Variants in DNAJC13 observed in about 807,000 individuals in gnomAD.
The protein encoded by DNAJC13 is DnaJ heat shock protein family (Hsp40) member C13, also known as dnaJ homolog subfamily C member 13.
A neutral mutation model predicts 290.5 loss-of-function variants in DNAJC13; 75 were observed. The ratio of observed to expected loss-of-function variants is 0.26; its 90% CI spans 0.21 to 0.31. The LOEUF is 0.31. Among genes scored for constraint, DNAJC13 ranks in the 10% least tolerant of loss-of-function variants. The pLI, the probability that DNAJC13 is intolerant of heterozygous loss-of-function variation, is 1.00. For missense variants in DNAJC13, 2,260 were observed against 2,674.5 expected, an observed-to-expected ratio of 0.85 and a Z score of 3.42; for synonymous variants, 862 against 892.0, an observed-to-expected ratio of 0.97 and a Z score of 0.60.
intron 1 of DNAJC13, among the ~76,000 whole-genome samples, chr3:132,421,145 T>C (rs1938948489): frequency 6.6e-6 from 1 of 152,198 alleles, no homozygotes; most frequent in African/African-American, 2.4e-5. Flanking sequence ...TAGTAACATA[T>C]ATGTGAATGT....
intron 20 of DNAJC13, among the ~76,000 whole-genome samples, chr3:132,470,587 C>T (rs1934173219): frequency 7.1e-6 from 1 of 141,806 alleles, no homozygotes; most frequent in East Asian, 2.2e-4. Context: ...CCCTCACCTC[C>T]CGGACGGGGC....
intron 40 of DNAJC13, 131 bp downstream of exon 40, chr3:132,502,599 T>C: frequency 2.6e-6 from 2 of 766,580 alleles, no homozygotes; most frequent in Non-Finnish European, 3.8e-6. Flanking sequence ...GGTTTTTTGC[T>C]TTTTAAACCT....
At chr3:132,457,691 G>A in intron 13 of DNAJC13, 1 of 179,652 alleles carries the variant, frequency 5.6e-6, no homozygotes, top group Admixed American at 6.0e-5. Context: ...TGGTGATGAG[G>A]GGAAGATGAA....
chr3:132,441,994 C>G (rs927873851), intron 2 of DNAJC13, among the ~76,000 whole-genome samples: 1 of 147,094 alleles, frequency 6.8e-6, no homozygotes, highest in African/African-American at 2.6e-5. Context: ...GAGTATCTGA[C>G]CTAACACATT....
At chr3:132,531,834 A>G (rs1011395277) in intron 55 of DNAJC13, among the ~76,000 whole-genome samples, 1 of 151,800 alleles carries the variant, frequency 6.6e-6, no homozygotes, top group African/African-American at 2.4e-5. Context: ...GTTTCCAGTG[A>G]TTTGTTTATG....
At chr3:132,480,795 A>G (rs1284598912) in intron 26 of DNAJC13, among the ~76,000 whole-genome samples, 1 of 152,210 alleles carries the variant, frequency 6.6e-6, no homozygotes, top group Non-Finnish European at 1.5e-5. Context: ...AGCAGTAAGA[A>G]TATGCTTTGC....
chr3:132,482,349 C>CA lies in DNAJC13; in HGVS notation c.2979+19_2979+20insA. 6.2e-7 allele frequency: 1 copy of CA among 1,600,062 alleles called. No individual in the cohort carries two copies. Among genetic ancestry groups the CA allele is most frequent in the South Asian group, 1.1e-5 (1 of 90,374 alleles). ...TCATGAGGTATGTATCTTGGAGATA[C>CA]TTTTGGTGAAGGTCTCAGCATTTCT... On this transcript the variant is annotated intron_variant, in intron 27 of 55. Coordinates refer to ENST00000260818, the MANE Select transcript of DNAJC13 (RefSeq NM_015268.4).
Position 132,494,137 on chromosome 3 carries a change from C to G in DNAJC13, c.3826-7C>G. On this transcript the variant is annotated splice_region_variant and splice_polypyrimidine_tract_variant and intron_variant, in intron 33 of 55. Coordinates refer to ENST00000260818, the MANE Select transcript of DNAJC13 (RefSeq NM_015268.4). ...TTTGATATAAATTTTAATCTTTTGT[C>G]TTTAAGGTTAAGCTTCTAAAAGATA... 1 of 1,565,236 alleles carries G rather than the reference C, an allele frequency of 6.4e-7. No homozygotes were observed. The highest frequency in any genetic ancestry group is 1.2e-5 in the South Asian group (1 of 85,028).
chr3:132,464,549 A>G (rs1933913051), intron 17 of DNAJC13, among the ~76,000 whole-genome samples: 1 of 152,186 alleles, frequency 6.6e-6, no homozygotes, highest in Non-Finnish European at 1.5e-5. Context: ...ACAATACTGT[A>G]CATTTTCTTT....
intron 17 of DNAJC13, 48 bp from the exon 18 acceptor site, chr3:132,465,947 C>T: frequency 7.5e-7 from 1 of 1,337,624 alleles, no homozygotes; most frequent in Non-Finnish European, 1.1e-6. Context: ...CCTTTCTGTT[C>T]TAGCTGAGAT....
At chr3:132,523,844 T>A in intron 51 of DNAJC13, 131 bp downstream of exon 51, 1 of 825,240 alleles carries the variant, frequency 1.2e-6, no homozygotes, top group Non-Finnish European at 1.8e-6. Context: ...CAGCCACATT[T>A]AAATTCACAT....
chr3:132,508,229 C>T (rs545570357), intron 43 of DNAJC13, among the ~76,000 whole-genome samples: 63 of 152,252 alleles, frequency 4.1e-4, no homozygotes, highest in African/African-American at 1.4e-3. Flanking sequence ...GGGATTGGCT[C>T]ATGAGGTTTA....
At chr3:132,448,028 T>C in intron 5 of DNAJC13, 89 bp downstream of exon 5, 5 of 947,662 alleles carry the variant, frequency 5.3e-6, no homozygotes, top group Non-Finnish European at 6.4e-6. Flanking sequence ...GTGTTCCATT[T>C]GTAGCAAAGC....
intron 48 of DNAJC13, among the ~76,000 whole-genome samples, chr3:132,518,779 C>G (rs192645770): frequency 6.6e-6 from 1 of 152,264 alleles, no homozygotes; most frequent in African/African-American, 2.4e-5. Flanking sequence ...ATTGAGCGAT[C>G]ATAATCAATT....
Position 132,479,334 on chromosome 3 carries a change from A to G in DNAJC13, c.2772+45A>G, listed in dbSNP as rs766469527. ...ATACATTGTTATTTCCAAGTCATATAAGTATGTAAGATAAACTCACAGTTT... is the reference window on the plus strand; with the variant it reads ...ATACATTGTTATTTCCAAGTCATATGAGTATGTAAGATAAACTCACAGTTT... On this transcript the variant is annotated intron_variant, in intron 25 of 55. Coordinates refer to ENST00000260818, the MANE Select transcript of DNAJC13 (RefSeq NM_015268.4). 1.5e-6 allele frequency: 2 copies of G among 1,294,666 alleles called. 1 individual carries two copies. Among genetic ancestry groups the G allele is most frequent in the South Asian group, 2.4e-5 (2 of 82,686 alleles). 80.2% of individuals were successfully genotyped at this position (1,294,666 alleles called of 1,614,324 possible). A position where few individuals can be genotyped will look rare whatever the true frequency, so the allele number is the denominator to read the frequency against.
In DNAJC13 at chr3:132,447,394, G is replaced by A. The variant is rs547360849; in HGVS notation, c.218G>A (p.Arg73His). 8 of 1,607,726 alleles carry A rather than the reference G, an allele frequency of 5.0e-6. No individual in the cohort carries two copies. Among genetic ancestry groups the A allele is most frequent in the East Asian group, 2.3e-5 (1 of 44,296 alleles). ...GQGTEFNLTFRKGSGKKSETL... is the reference protein window; with the variant it reads ...GQGTEFNLTFHKGSGKKSETL... ...GGAACGGAGTTCAACCTCACATTTC[G>A]TAAAGGCAGTGGAAAAAAGTCAGAA... The change falls in exon 4 of 56, where the codon CGT becomes CAT. Residue 73 changes from arginine (R) to histidine (H), a missense_variant. This residue lies in a region of DNAJC13 where 762 missense variants were observed against 964.1 expected (regional missense o/e 0.79). Transcript: ENST00000260818.
In DNAJC13 at chr3:132,532,945, G is replaced by T. The variant is rs1469561920; in HGVS notation, c.6625+1848G>T. On this transcript the variant is annotated intron_variant, in intron 55 of 55. Transcript: ENST00000260818. ...TTATTATTATTATTATTTTAGTAGA[G>T]ACGGAATTTTGCCATGTTAGCTATG... Among the ~76,000 whole-genome samples the T allele has an allele frequency of 5.2e-5, 4 of 76,528 alleles. No homozygotes were observed. The East Asian group carries it at 3.9e-3, about 75-fold the overall frequency. 50.2% of individuals were successfully genotyped at this position (76,528 alleles called of 152,430 possible).
rs761355544 is a variant in DNAJC13, at chr3:132,507,247, A to C, written c.5009A>C (p.Asp1670Ala). Residue 1670 changes from aspartate (D) to alanine (A), a missense_variant, in exon 43 of 56, where the codon GAC becomes GCC. Asp to Ala is a moderately radical substitution (Grantham distance 126). Around this residue, in one of 3 missense-constraint regions of DNAJC13, gnomAD observed 1,494 missense variants for 1,693.7 expected, o/e 0.88. Coordinates refer to ENST00000260818, the MANE Select transcript of DNAJC13 (RefSeq NM_015268.4). ...QENMIKKGDC[D>A]KTYGSEFVYS... ...TCATCTTTTAAAAAGGGTGATTGTG[A>C]CAAAACTTATGGATCAGAATTTGTC... is the stretch of plus-strand genomic sequence containing the variant. 4 of 1,608,440 alleles carry C rather than the reference A, an allele frequency of 2.5e-6. No individual in the cohort carries two copies. The South Asian group carries it at 4.4e-5, about 18-fold the overall frequency.
At chr3:132,489,948 C>A (rs1340049002) in intron 31 of DNAJC13, among the ~76,000 whole-genome samples, 5 of 151,876 alleles carry the variant, frequency 3.3e-5, no homozygotes. Context: ...GTAATTTTTT[C>A]CAAATTTATT....
Sources: gnomAD v4.1 joint callset for allele counts (sites outside exome capture counted in the v4.1 genomes callset) on GRCh38, gnomAD v4.1.1 for gene constraint, gnomAD v4.1.1 regional missense constraint, MANE v1.5 for transcripts, NCBI Gene and HGNC (gene_info 2026-07-23, HGNC 2026-07-21) for gene names.